The following PCDHA3 variants were observed in gnomAD, a reference collection of about 807,000 sequenced individuals.
The protein encoded by PCDHA3 is protocadherin alpha-3.
A neutral mutation model predicts 62.2 loss-of-function variants in PCDHA3; 41 were observed. The ratio of observed to expected loss-of-function variants is 0.66; its 90% CI spans 0.51 to 0.86. PCDHA3 has a LOEUF of 0.86. PCDHA3 is among the 40% of genes least tolerant of loss of function. The pLI is 0.00. For missense variants in PCDHA3, 1,304 were observed against 1,241.2 expected, an observed-to-expected ratio of 1.05 and a Z score of -0.76; for synonymous variants, 640 against 555.4, an observed-to-expected ratio of 1.15 and a Z score of -2.14.
chr5:140,982,992 A>G (rs1413932820), intron 3 of PCDHA3, among the ~76,000 whole-genome samples: 1 of 151,958 alleles, frequency 6.6e-6, no homozygotes, highest in African/African-American at 2.4e-5. Flanking sequence ...GAGAAAAAGA[A>G]GGAAAGAAAG....
chr5:140,992,226 G>A lies in PCDHA3; in HGVS notation c.2542+9663G>A, dbSNP rs926605843. On this transcript the variant is annotated intron_variant, in intron 3 of 3. Coordinates refer to ENST00000522353, the MANE Select transcript of PCDHA3 (RefSeq NM_018906.3). The stretch of plus-strand genomic sequence containing the variant: ...CAGATAAACTACTCTCCCTTCCTGG[G>A]AAGAGTAAGGAAGGAAGTAGAGCTA... Among the ~76,000 whole-genome samples the A allele has an allele frequency of 5.3e-5, 8 of 152,256 alleles. No individual in the cohort carries two copies. The East Asian group carries it at 1.5e-3, about 29-fold the overall frequency.
intron 1 of PCDHA3, chr5:140,877,604 T>C: frequency 6.2e-7 from 1 of 1,613,886 alleles, no homozygotes. Flanking sequence ...TCCAGCCTGC[T>C]GGTGCTCACG....
At chr5:140,988,414 T>C (rs1554250128) in intron 3 of PCDHA3, among the ~76,000 whole-genome samples, 1 of 152,194 alleles carries the variant, frequency 6.6e-6, no homozygotes. Flanking sequence ...GCAGCTTATG[T>C]AAAGAATTTG....
intron 3 of PCDHA3, among the ~76,000 whole-genome samples, chr5:141,007,393 TAC>T (rs2098323171): frequency 8.5e-5 from 2 of 23,408 alleles, no homozygotes; most frequent in East Asian, 1.4e-3. Flanking sequence ...TCTACTAAAA[TAC>T]AAAAAAAAAA....
intron 3 of PCDHA3, among the ~76,000 whole-genome samples, chr5:140,994,104 T>C (rs1356172498): frequency 6.6e-6 from 1 of 152,210 alleles, no homozygotes; most frequent in Non-Finnish European, 1.5e-5. Context: ...ATGGAAATAT[T>C]ACATTGTCAT....
intron 1 of PCDHA3, among the ~76,000 whole-genome samples, chr5:140,888,380 A>G (rs1348796416): frequency 6.6e-6 from 1 of 152,192 alleles, no homozygotes; most frequent in East Asian, 1.9e-4. Context: ...GAGCTCTGAG[A>G]TGCTGCTAAA....
At chr5:140,983,165 T>A (rs947834633) in intron 3 of PCDHA3, among the ~76,000 whole-genome samples, 14 of 152,220 alleles carry the variant, frequency 9.2e-5, no homozygotes, top group Admixed American at 4.6e-4. Context: ...TTGCCAAACA[T>A]GACCGCCTCA....
intron 1 of PCDHA3, among the ~76,000 whole-genome samples, chr5:140,916,438 A>G (rs975528805): frequency 4.6e-5 from 7 of 152,234 alleles, no homozygotes; most frequent in Admixed American, 4.6e-4. Flanking sequence ...TAAGGCCCAC[A>G]GTATACTACC....
At chr5:140,991,648 A>G (rs2097463830) in intron 3 of PCDHA3, among the ~76,000 whole-genome samples, 1 of 152,192 alleles carries the variant, frequency 6.6e-6, no homozygotes, top group Non-Finnish European at 1.5e-5. Context: ...GTTCATGACA[A>G]TTTAGGTTTG....
At chr5:140,830,117 C>A (rs2150181375) in intron 1 of PCDHA3, 1 of 1,613,510 alleles carries the variant, frequency 6.2e-7, no homozygotes, top group Non-Finnish European at 8.5e-7. Context: ...TGGCCAGGCT[C>A]CAAAGGCGTC....
chr5:140,882,299 C>T (rs781797969), intron 1 of PCDHA3: 33 of 1,613,690 alleles, frequency 2.0e-5, no homozygotes, highest in Non-Finnish European at 2.7e-5. Flanking sequence ...AGGCCCAAGA[C>T]CGCGGCAACT....
At position 140,877,725 on chromosome 5, in the gene PCDHA3, G is replaced by T. The variant is rs570815670; in HGVS notation, c.2394+74134G>T. On this transcript the variant is annotated intron_variant, in intron 1 of 3. Coordinates refer to ENST00000522353, the MANE Select transcript of PCDHA3 (RefSeq NM_018906.3). Reference sequence around the variant, plus strand: ...GCGCCGTGGGGAGTTGGTCTTACTCGCAGCAGAGGAGGCAGAGGGTGTGCT... The same window carrying T: ...GCGCCGTGGGGAGTTGGTCTTACTCTCAGCAGAGGAGGCAGAGGGTGTGCT... 5.6e-6 allele frequency: 9 copies of T among 1,614,124 alleles called. No individual in the cohort carries two copies. The South Asian group carries it at 8.8e-5, about 16-fold the overall frequency.
intron 1 of PCDHA3, among the ~76,000 whole-genome samples, chr5:140,890,624 T>C (rs1487627842): frequency 6.6e-6 from 1 of 152,202 alleles, no homozygotes; most frequent in Non-Finnish European, 1.5e-5. Context: ...CCTAGAAAAT[T>C]AAGCATGTAT....
Position 140,801,780 on chromosome 5 carries a change from G to A in PCDHA3, c.583G>A (p.Val195Met), listed in dbSNP as rs782302106. The A allele has an allele frequency of 9.9e-6, 16 of 1,613,718 alleles. No individual in the cohort carries two copies. The highest frequency in any genetic ancestry group is 1.3e-5 in the Non-Finnish European group (15 of 1,179,936). ...NDEEIKSLGL[V>M]LKKNLNREDT... ...TGAGGAAATTAAATCCCTTGGACTC[G>A]TGTTGAAAAAAAATTTAAATCGAGA... Residue 195 changes from valine (V) to methionine (M), a missense_variant, in exon 1 of 4, where the codon GTG becomes ATG. Val to Met is a conservative substitution (Grantham distance 21). Transcript: ENST00000522353.
intron 1 of PCDHA3, among the ~76,000 whole-genome samples, chr5:140,840,242 T>G (rs113669357): frequency 0.011 from 1,735 of 152,166 alleles, 51 homozygotes; most frequent in African/African-American, 0.04. Context: ...AGAATCACTA[T>G]GCTATAAAAA....
chr5:140,952,565 C>T (rs1255567969), intron 1 of PCDHA3, among the ~76,000 whole-genome samples: 3 of 152,142 alleles, frequency 2.0e-5, no homozygotes, highest in African/African-American at 4.8e-5. Flanking sequence ...ATCAGCACTT[C>T]GGTCCCAATC....
chr5:141,009,021 G>A (rs997779963), intron 3 of PCDHA3, among the ~76,000 whole-genome samples: 1 of 152,246 alleles, frequency 6.6e-6, no homozygotes, highest in Non-Finnish European at 1.5e-5. Context: ...TTTAGGCTCT[G>A]TATTTCCCAT....
At chr5:140,877,096 G>T in intron 1 of PCDHA3, 3 of 1,613,378 alleles carry the variant, frequency 1.9e-6, no homozygotes, top group Non-Finnish European at 2.5e-6. Context: ...CGACGCCGGC[G>T]TGCCGCCTCT....
At chr5:140,948,735 A>C (rs756182090) in intron 1 of PCDHA3, among the ~76,000 whole-genome samples, 3 of 151,562 alleles carry the variant, frequency 2.0e-5, no homozygotes, top group Non-Finnish European at 4.4e-5. Flanking sequence ...AGTCTAGCTG[A>C]GAATTTATCA....
Sources: allele counts gnomAD v4.1 joint callset (sites outside exome capture counted in the v4.1 genomes callset), GRCh38; gene constraint gnomAD v4.1.1; transcripts MANE v1.5; gene names NCBI Gene and HGNC (gene_info 2026-07-23, HGNC 2026-07-21).